FIG4: variants seen among roughly 807,000 people sequenced by gnomAD.
The protein encoded by FIG4 is FIG4 phosphoinositide 5-phosphatase.
FIG4 carries 112 observed loss-of-function variants against 118.6 expected under a neutral mutation model. The observed-to-expected ratio is 0.94, with a 90% CI of 0.81 to 1.11. The LOEUF is 1.11. FIG4 is among the 50% of genes least tolerant of loss of function. The probability of loss-of-function intolerance (pLI) is 0.00; values close to 1 mark genes in which losing one functional copy is unlikely to be tolerated. For missense variants in FIG4, 969 were observed against 1,111.7 expected (o/e 0.87, Z 1.83); for synonymous variants, 369 against 381.2 (o/e 0.97, Z 0.37).
At chr6:109,811,361 G>A (rs1385316502) in intron 22 of FIG4, among the ~76,000 whole-genome samples, 1 of 152,084 alleles carries the variant, frequency 6.6e-6, no homozygotes, top group Non-Finnish European at 1.5e-5. Flanking sequence ...TCAAGCAGAG[G>A]CAGATGACCT....
intron 16 of FIG4, among the ~76,000 whole-genome samples, chr6:109,781,957 C>T (rs1777819272): frequency 6.6e-6 from 1 of 151,804 alleles, no homozygotes; most frequent in Non-Finnish European, 1.5e-5. Context: ...TACACTATTG[C>T]CCTGCCCATA....
chr6:109,701,270 T>A (rs1423728876), intron 1 of FIG4, among the ~76,000 whole-genome samples: 1 of 152,230 alleles, frequency 6.6e-6, no homozygotes, highest in Non-Finnish European at 1.5e-5. Context: ...TCCTTAGCTC[T>A]TGTGACTCGT....
chr6:109,779,535 A>G (rs920920171), intron 16 of FIG4, among the ~76,000 whole-genome samples: 1 of 152,244 alleles, frequency 6.6e-6, no homozygotes, highest in Admixed American at 6.5e-5. Context: ...CTAAGTAGAT[A>G]ATATGGCTTA....
intron 4 of FIG4, among the ~76,000 whole-genome samples, chr6:109,730,734 A>T (rs1562650486): frequency 6.6e-6 from 1 of 152,192 alleles, no homozygotes; most frequent in Non-Finnish European, 1.5e-5. Context: ...ATGAAATTTG[A>T]TTCCATTCTC....
chr6:109,808,813 G>A (rs1778642071), intron 22 of FIG4, among the ~76,000 whole-genome samples: 1 of 151,998 alleles, frequency 6.6e-6, no homozygotes. Context: ...TTTTGAACAC[G>A]TATATCTACC....
intron 1 of FIG4, among the ~76,000 whole-genome samples, chr6:109,706,244 G>C (rs1248491626): frequency 6.6e-6 from 1 of 152,238 alleles, no homozygotes; most frequent in African/African-American, 2.4e-5. Context: ...GGGGAGAACA[G>C]GTGATGAGTA....
At chr6:109,795,108 T>TG in intron 21 of FIG4, among the ~76,000 whole-genome samples, 8 of 32,422 alleles carry the variant, frequency 2.5e-4, no homozygotes, top group African/African-American at 1.4e-3. Flanking sequence ...TTTTTTTTTT[T>TG]TTTTTTTTTT....
chr6:109,725,589 G>A (rs192885169), intron 3 of FIG4, among the ~76,000 whole-genome samples: 1 of 152,292 alleles, frequency 6.6e-6, no homozygotes, highest in Non-Finnish European at 1.5e-5. Context: ...CTTTATAGTA[G>A]CATGATTTCT....
intron 1 of FIG4, among the ~76,000 whole-genome samples, chr6:109,714,757 C>G (rs947084522): frequency 6.6e-6 from 1 of 152,154 alleles, no homozygotes; most frequent in Non-Finnish European, 1.5e-5. Flanking sequence ...GAGCTTCTTC[C>G]TGGTAAAGCT....
At chr6:109,712,113 C>T (rs1775283041) in intron 1 of FIG4, among the ~76,000 whole-genome samples, 1 of 152,166 alleles carries the variant, frequency 6.6e-6, no homozygotes, top group African/African-American at 2.4e-5. Flanking sequence ...AGGGCTTCAG[C>T]TGAGAGGTCC....
At chr6:109,722,022 A>T (rs1330001989) in intron 3 of FIG4, among the ~76,000 whole-genome samples, 1 of 152,152 alleles carries the variant, frequency 6.6e-6, no homozygotes, top group African/African-American at 2.4e-5. Context: ...TTATCTTGTA[A>T]ATATTTATTA....
intron 22 of FIG4, among the ~76,000 whole-genome samples, chr6:109,819,291 G>A (rs567546964): frequency 3.0e-3 from 460 of 152,308 alleles, no homozygotes; most frequent in Non-Finnish European, 4.8e-3. Context: ...CAATGGTAAA[G>A]GCACCTTGCT....
At chr6:109,736,915 A>G (rs1776174753) in intron 6 of FIG4, among the ~76,000 whole-genome samples, 1 of 152,044 alleles carries the variant, frequency 6.6e-6, no homozygotes, top group African/African-American at 2.4e-5. Context: ...GGCTGCATTC[A>G]TCCCCTGGCT....
intron 10 of FIG4, among the ~76,000 whole-genome samples, chr6:109,756,846 T>G (rs1776923938): frequency 6.6e-6 from 1 of 152,224 alleles, no homozygotes; most frequent in African/African-American, 2.4e-5. Context: ...TTTAAATTTT[T>G]TTCAAAGTTT....
chr6:109,746,519 G>A (rs1056212925), intron 10 of FIG4, among the ~76,000 whole-genome samples: 5 of 152,122 alleles, frequency 3.3e-5, no homozygotes, highest in African/African-American at 9.7e-5. Context: ...AGGAGGAAGT[G>A]TGGTGGGTTG....
intron 1 of FIG4, among the ~76,000 whole-genome samples, chr6:109,704,502 A>G: frequency 6.6e-6 from 1 of 152,006 alleles, no homozygotes; most frequent in African/African-American, 2.4e-5. Context: ...CTAAAAATAC[A>G]ACAACAACAA....
At position 109,727,130 on chromosome 6, in the gene FIG4, G is replaced by C; in HGVS notation, c.311G>C (p.Gly104Ala). The change falls in exon 4 of 23, where the codon GGC (glycine) becomes GCC (alanine). Residue 104 changes from glycine (G) to alanine (A), a missense_variant. Around this residue, in one of 3 missense-constraint regions of FIG4, gnomAD observed 393 missense variants for 409.4 expected, o/e 0.96. Coordinates refer to ENST00000230124, the MANE Select transcript of FIG4 (RefSeq NM_014845.6). ...ATAGGTTTTGTCAGGTTCTTAGAAG[G>C]CTATTATATTGTGTTAATAACTAAA... ...GVVGFVRFLEGYYIVLITKRR... is the reference protein window; with the variant it reads ...GVVGFVRFLEAYYIVLITKRR... 2 of 1,610,962 alleles carry C rather than the reference G, an allele frequency of 1.2e-6. No individual in the cohort carries two copies. Among genetic ancestry groups the C allele is most frequent in the Non-Finnish European group, 1.7e-6 (2 of 1,177,254 alleles).
intron 22 of FIG4, among the ~76,000 whole-genome samples, chr6:109,809,479 C>G (rs1459307835): frequency 5.3e-5 from 8 of 152,000 alleles, no homozygotes; most frequent in African/African-American, 1.9e-4. Context: ...CCCATATTAA[C>G]CAAAGCTAAT....
At chr6:109,768,846 C>T (rs4947019) in intron 15 of FIG4, among the ~76,000 whole-genome samples, 15 of 152,138 alleles carry the variant, frequency 9.9e-5, no homozygotes, top group African/African-American at 2.9e-4. Flanking sequence ...CAGCACAAAC[C>T]GGTGGCTCAA....
Sources: gnomAD v4.1 joint callset for allele counts (sites outside exome capture counted in the v4.1 genomes callset) on GRCh38, gnomAD v4.1.1 for gene constraint, gnomAD v4.1.1 regional missense constraint, MANE v1.5 for transcripts, NCBI Gene and HGNC (gene_info 2026-07-23, HGNC 2026-07-21) for gene names.